The following HPSE2 variants were observed in gnomAD, a reference collection of about 807,000 sequenced individuals.
HPSE2 encodes inactive heparanase-2.
HPSE2 carries 38 observed loss-of-function variants against 60.5 expected under a neutral mutation model. The ratio of observed to expected loss-of-function variants is 0.63; its 90% CI spans 0.48 to 0.82. The LOEUF (loss-of-function observed/expected upper bound fraction) is 0.82, where lower values mean the gene tolerates loss of function less well. Ranked by LOEUF, HPSE2 falls within the 40% of genes least tolerant of loss-of-function variation. The probability of loss-of-function intolerance (pLI) is 0.00; values close to 1 mark genes in which losing one functional copy is unlikely to be tolerated. For synonymous variants in HPSE2, 295 were observed against 293.2 expected, an observed-to-expected ratio of 1.01 and a Z score of -0.06; for missense variants, 713 against 740.4, an observed-to-expected ratio of 0.96 and a Z score of 0.43.
In HPSE2 at chr10:98,485,782, A is replaced by G. The variant is rs891332806; in HGVS notation, c.1467-3000T>C. Among the ~76,000 whole-genome samples, 6 of 152,330 alleles carry G rather than the reference A, an allele frequency of 3.9e-5. No individual in the cohort carries two copies. The East Asian group carries it at 9.6e-4, about 24-fold the overall frequency. On this transcript the variant is annotated intron_variant, in intron 10 of 11. Coordinates refer to ENST00000370552, the MANE Select transcript of HPSE2 (RefSeq NM_021828.5). The stretch of plus-strand genomic sequence containing the variant: ...TAAATTCTTTTGCTAGCTACCATCA[A>G]ACAACACTCTCAAAGGCCAGCAGTG...
chr10:98,999,192 T>C (rs561182144), intron 3 of HPSE2, among the ~76,000 whole-genome samples: 27 of 151,630 alleles, frequency 1.8e-4, no homozygotes, highest in Non-Finnish European at 2.7e-4. Flanking sequence ...TGTGTGTGTG[T>C]GTGCATGTGT....
chr10:98,708,430 T>C (rs1178697472), intron 5 of HPSE2, among the ~76,000 whole-genome samples: 4 of 147,754 alleles, frequency 2.7e-5, no homozygotes, highest in Non-Finnish European at 4.4e-5. Context: ...CACTCCAGCC[T>C]GGGCGACAGA....
At chr10:98,477,134 A>G (rs1206246672) in intron 11 of HPSE2, among the ~76,000 whole-genome samples, 1 of 152,200 alleles carries the variant, frequency 6.6e-6, no homozygotes, top group Non-Finnish European at 1.5e-5. Context: ...GTCACTTAAT[A>G]CTTTAAGACT....
intron 9 of HPSE2, among the ~76,000 whole-genome samples, chr10:98,575,325 A>T (rs1175086049): frequency 6.6e-6 from 1 of 152,160 alleles, no homozygotes; most frequent in Non-Finnish European, 1.5e-5. Context: ...TCCACACAGC[A>T]CCACATGGCC....
intron 5 of HPSE2, among the ~76,000 whole-genome samples, chr10:98,695,878 CT>C (rs1263641104): frequency 6.6e-6 from 1 of 152,168 alleles, no homozygotes; most frequent in African/African-American, 2.4e-5. Flanking sequence ...CAGTATTTGC[CT>C]TTTCCTCCTG....
At chr10:99,152,359 G>A (rs983129174) in intron 2 of HPSE2, among the ~76,000 whole-genome samples, 14 of 149,106 alleles carry the variant, frequency 9.4e-5, no homozygotes, top group African/African-American at 3.4e-4. Flanking sequence ...TAGCAGACCT[G>A]CAACACAAGA....
intron 2 of HPSE2, among the ~76,000 whole-genome samples, chr10:99,175,263 C>T (rs757914774): frequency 3.9e-5 from 6 of 152,084 alleles, no homozygotes; most frequent in Non-Finnish European, 8.8e-5. Context: ...GGACCACCAG[C>T]GAGACAAAAC....
chr10:98,779,334 C>T (rs560818049), intron 3 of HPSE2, among the ~76,000 whole-genome samples: 44 of 152,254 alleles, frequency 2.9e-4, no homozygotes, highest in Middle Eastern at 3.4e-3. Flanking sequence ...AAGCTCTTTC[C>T]ACACACTGAA....
At chr10:98,692,992 G>T (rs1013412900) in intron 6 of HPSE2, among the ~76,000 whole-genome samples, 1 of 152,182 alleles carries the variant, frequency 6.6e-6, no homozygotes, top group Non-Finnish European at 1.5e-5. Context: ...TTTCACATCT[G>T]TAATGAATCC....
intron 2 of HPSE2, among the ~76,000 whole-genome samples, chr10:99,177,480 T>C (rs1001608163): frequency 5.3e-5 from 8 of 151,876 alleles, no homozygotes; most frequent in Non-Finnish European, 8.8e-5. Flanking sequence ...TCCTAGTATC[T>C]CATATAACAG....
intron 9 of HPSE2, among the ~76,000 whole-genome samples, chr10:98,553,491 T>C (rs1392861908): frequency 6.6e-6 from 1 of 152,180 alleles, no homozygotes; most frequent in African/African-American, 2.4e-5. Flanking sequence ...ACATGCATCA[T>C]TATTGAAGTA....
At position 98,930,135 on chromosome 10, in the gene HPSE2, C is replaced by T. The variant is rs575311242; in HGVS notation, c.611-186079G>A. Among the ~76,000 whole-genome samples the T allele has an allele frequency of 8.5e-4, 122 of 143,626 alleles. 23 individuals are homozygous for T. The Middle Eastern group carries it at 0.011, about 13-fold the overall frequency. 94.2% of individuals were successfully genotyped at this position (143,626 alleles called of 152,430 possible). A position where few individuals can be genotyped will look rare whatever the true frequency, so the allele number is the denominator to read the frequency against. On this transcript the variant is annotated intron_variant, in intron 3 of 11. Coordinates refer to ENST00000370552, the MANE Select transcript of HPSE2 (RefSeq NM_021828.5). ...TCAGCTCTTTTCTCTAATGCTTCCC[C>T]CCTCCACTATCCACAACAGGCCCCA...
chr10:98,740,266 C>T (rs1200215054), intron 4 of HPSE2, among the ~76,000 whole-genome samples: 1 of 151,712 alleles, frequency 6.6e-6, no homozygotes, highest in African/African-American at 2.4e-5. Flanking sequence ...GCCTCAACCT[C>T]CCAGGCTCAA....
chr10:98,810,455 G>T (rs1024347672), intron 3 of HPSE2, among the ~76,000 whole-genome samples: 2 of 152,006 alleles, frequency 1.3e-5, no homozygotes, highest in South Asian at 2.1e-4. Flanking sequence ...GACTTCTTTA[G>T]ACAATTTACC....
intron 3 of HPSE2, among the ~76,000 whole-genome samples, chr10:98,749,817 C>T (rs865886749): frequency 1.3e-4 from 19 of 150,154 alleles, no homozygotes; most frequent in African/African-American, 4.1e-4. Flanking sequence ...GTATTAAATG[C>T]ATTTTTGACT....
At chr10:98,934,289 T>C (rs1954727188) in intron 3 of HPSE2, among the ~76,000 whole-genome samples, 1 of 144,378 alleles carries the variant, frequency 6.9e-6, no homozygotes, top group African/African-American at 2.8e-5. Flanking sequence ...AGGTTAATAT[T>C]GTTATGTGTG....
In HPSE2 at chr10:98,808,613, T is replaced by C. The variant is rs182712062; in HGVS notation, c.611-64557A>G. 1.1e-3 allele frequency among the ~76,000 whole-genome samples: 172 copies of C among 152,302 alleles called. 3 individuals carry two copies. The highest frequency in any genetic ancestry group is 3.9e-3 in the African/African-American group (163 of 41,586). On this transcript the variant is annotated intron_variant, in intron 3 of 11. Transcript: ENST00000370552. ...CTGAGCCAGAAAAAAAACAAAGTTC[T>C]CTTTATTGGTAAAGCATGTTATTTT...
the HPSE2 span, among the ~76,000 whole-genome samples, chr10:99,260,877 C>T: frequency 6.6e-6 from 1 of 152,168 alleles, no homozygotes; most frequent in East Asian, 1.9e-4. Flanking sequence ...CTCCCTTAGC[C>T]TATGTTCTCA....
intron 5 of HPSE2, among the ~76,000 whole-genome samples, chr10:98,695,008 C>T (rs1223617910): frequency 6.6e-6 from 1 of 152,132 alleles, no homozygotes; most frequent in Non-Finnish European, 1.5e-5. Context: ...TCTACTTTAC[C>T]CCAGCATAAT....
Sources: allele counts gnomAD v4.1 joint callset (sites outside exome capture counted in the v4.1 genomes callset), GRCh38; gene constraint gnomAD v4.1.1; transcripts MANE v1.5; gene names NCBI Gene and HGNC (gene_info 2026-07-23, HGNC 2026-07-21).